The following GALNT7 variants were observed in gnomAD, a reference collection of about 807,000 sequenced individuals.
GALNT7 encodes polypeptide N-acetylgalactosaminyltransferase 7.
Under a neutral mutation model 82.1 loss-of-function variants are expected in GALNT7, and 60 were observed. The ratio of observed to expected loss-of-function variants is 0.73; its 90% confidence interval spans 0.59 to 0.91. The LOEUF (loss-of-function observed/expected upper bound fraction) is 0.91. Among genes scored for constraint, GALNT7 ranks in the 40% least tolerant of loss-of-function variants. GALNT7 has a pLI of 0.00. For missense variants in GALNT7, 660 were observed against 804.2 expected (o/e 0.82, Z 2.17); for synonymous variants, 243 against 275.1 (o/e 0.88, Z 1.15).
chr4:173,189,609 G>C (rs1004697189), intron 1 of GALNT7, among the ~76,000 whole-genome samples: 2 of 152,220 alleles, frequency 1.3e-5, no homozygotes, highest in African/African-American at 4.8e-5. Context: ...AAGATTGAAT[G>C]AAGTGCTTTA....
At chr4:173,253,219 A>G (rs1734906634) in intron 2 of GALNT7, among the ~76,000 whole-genome samples, 2 of 152,086 alleles carry the variant, frequency 1.3e-5, no homozygotes, top group Admixed American at 6.6e-5. Context: ...AGTAAAAGAT[A>G]GTTTTCTTTT....
chr4:173,320,032 G>A lies in GALNT7; in HGVS notation c.1836+1473G>A, dbSNP rs2126878469. ...GTATTTCATTTGGTATCCCTCAATT[G>A]TGCTTTGGAGGAAAGAGCACCGAAC... On this transcript the variant is annotated intron_variant, in intron 11 of 11. Coordinates refer to ENST00000265000, the MANE Select transcript of GALNT7 (RefSeq NM_017423.3). This position sits in a 1 kb window ranked among gnomAD's most constrained non-coding sequence, Gnocchi z 4.1. Among the ~76,000 whole-genome samples, 1 of 152,258 alleles carries A rather than the reference G, an allele frequency of 6.6e-6. No homozygotes were observed.
rs1442472518 is a variant in GALNT7, at chr4:173,248,436, G to A, written c.583G>A (p.Glu195Lys). 1 of 1,591,608 alleles carries A rather than the reference G, an allele frequency of 6.3e-7. No homozygotes were observed. The highest frequency in any genetic ancestry group is 8.6e-7 in the Non-Finnish European group (1 of 1,164,232). Residue 195 changes from glutamate (E) to lysine (K), a missense_variant, in exon 2 of 12, where the codon GAA (glutamate) becomes AAA (lysine). Transcript: ENST00000265000. Reference sequence around the variant, plus strand: ...CCGCAGCGTCAATGACTTACGCCAAGAAGAGTAAGCACACATCCTCTTCTT... The same window carrying A: ...CCGCAGCGTCAATGACTTACGCCAAAAAGAGTAAGCACACATCCTCTTCTT... Reference protein sequence around the residue: ...LDRSVNDLRQEECKYWHYDEN... With the variant: ...LDRSVNDLRQKECKYWHYDEN...
At chr4:173,222,776 G>A (rs921116965) in intron 1 of GALNT7, among the ~76,000 whole-genome samples, 2 of 152,118 alleles carry the variant, frequency 1.3e-5, no homozygotes, top group Non-Finnish European at 1.5e-5. Flanking sequence ...GCTGTACAAT[G>A]GGATTTGTGA....
At chr4:173,280,226 A>G (rs1736063403) in intron 2 of GALNT7, among the ~76,000 whole-genome samples, 1 of 152,210 alleles carries the variant, frequency 6.6e-6, no homozygotes, top group African/African-American at 2.4e-5. Flanking sequence ...ATTATTGTAG[A>G]TTAATGATAG....
At chr4:173,321,291 A>C (rs1489908879) in intron 11 of GALNT7, among the ~76,000 whole-genome samples, 1 of 152,188 alleles carries the variant, frequency 6.6e-6, no homozygotes, top group Admixed American at 6.6e-5. Context: ...GATAGGAACA[A>C]GAGACATAGA....
intron 1 of GALNT7, among the ~76,000 whole-genome samples, chr4:173,228,111 C>T (rs1733896245): frequency 6.6e-6 from 1 of 151,672 alleles, no homozygotes; most frequent in African/African-American, 2.4e-5. Context: ...AAAATGTTTT[C>T]TAGCAGGTCA....
chr4:173,215,028 A>G (rs1733395747), intron 1 of GALNT7, among the ~76,000 whole-genome samples: 1 of 152,064 alleles, frequency 6.6e-6, no homozygotes. Context: ...TAATCCTATC[A>G]TGATCCCCTG....
intron 2 of GALNT7, among the ~76,000 whole-genome samples, chr4:173,288,792 G>T (rs554497617): frequency 6.6e-6 from 1 of 151,992 alleles, no homozygotes; most frequent in Admixed American, 6.5e-5. Flanking sequence ...CTTACTAGGT[G>T]AAAATTTAAA....
intron 1 of GALNT7, among the ~76,000 whole-genome samples, chr4:173,171,540 C>G (rs887142684): frequency 2.0e-5 from 3 of 152,254 alleles, no homozygotes; most frequent in African/African-American, 7.2e-5. Flanking sequence ...ACAGCCTTGA[C>G]AACTTGGGAT....
At chr4:173,293,062 T>C (rs914068004) in intron 3 of GALNT7, among the ~76,000 whole-genome samples, 3 of 152,172 alleles carry the variant, frequency 2.0e-5, no homozygotes. Context: ...CAATAATAAT[T>C]GAGATGAACA....
At chr4:173,174,404 C>A (rs1465280212) in intron 1 of GALNT7, among the ~76,000 whole-genome samples, 2 of 152,188 alleles carry the variant, frequency 1.3e-5, no homozygotes, top group East Asian at 3.8e-4. Flanking sequence ...TCCATCTTTC[C>A]TGGTGCTAAT....
chr4:173,177,060 C>T (rs1359980852), intron 1 of GALNT7, among the ~76,000 whole-genome samples: 2 of 152,080 alleles, frequency 1.3e-5, no homozygotes, highest in Admixed American at 6.5e-5. Flanking sequence ...ATGTTGATGC[C>T]TTTAGAAGGA....
At chr4:173,313,376 C>T (rs1489550589) in intron 8 of GALNT7, among the ~76,000 whole-genome samples, 1 of 150,160 alleles carries the variant, frequency 6.7e-6, no homozygotes, top group East Asian at 2.0e-4. Flanking sequence ...TGAGACCAGC[C>T]TGGGCAACAG....
At chr4:173,291,552 T>C (rs959729851) in intron 2 of GALNT7, among the ~76,000 whole-genome samples, 2 of 152,232 alleles carry the variant, frequency 1.3e-5, no homozygotes, top group African/African-American at 4.8e-5. Flanking sequence ...CTAAGCTCTT[T>C]AGCTAATTTA....
intron 2 of GALNT7, among the ~76,000 whole-genome samples, chr4:173,274,636 G>T (rs1173511381): frequency 2.6e-5 from 4 of 151,886 alleles, no homozygotes; most frequent in Non-Finnish European, 1.5e-5. Context: ...TATTTCACAG[G>T]GTTACTGTGA....
At chr4:173,220,791 A>G (rs2126688293) in intron 1 of GALNT7, among the ~76,000 whole-genome samples, 1 of 152,044 alleles carries the variant, frequency 6.6e-6, no homozygotes, top group East Asian at 1.9e-4. Flanking sequence ...TGAGAATGAT[A>G]ATTTCCAACT....
At chr4:173,219,297 TA>T (rs1733564515) in intron 1 of GALNT7, among the ~76,000 whole-genome samples, 1 of 152,138 alleles carries the variant, frequency 6.6e-6, no homozygotes, top group African/African-American at 2.4e-5. Context: ...CAAATGCCAT[TA>T]TTTCATTCCT....
At chr4:173,265,371 T>G (rs1735444903) in intron 2 of GALNT7, among the ~76,000 whole-genome samples, 1 of 152,144 alleles carries the variant, frequency 6.6e-6, no homozygotes, top group South Asian at 2.1e-4. Context: ...TCATGGTCTT[T>G]CCCCATATCT....
Sources: allele counts gnomAD v4.1 joint callset (sites outside exome capture counted in the v4.1 genomes callset), GRCh38; gene constraint gnomAD v4.1.1; non-coding constraint Gnocchi (gnomAD v3.1); transcripts MANE v1.5; gene names NCBI Gene and HGNC (gene_info 2026-07-23, HGNC 2026-07-21).